Variants in USP37 observed in about 807,000 individuals in gnomAD.
The protein encoded by USP37 is ubiquitin carboxyl-terminal hydrolase 37.
USP37 carries 27 observed loss-of-function variants against 124.0 expected under a neutral mutation model. That is an observed-to-expected ratio of 0.22 (90% confidence interval 0.16 to 0.30). USP37 has a LOEUF of 0.30. Ranked by LOEUF, USP37 falls within the 10% of genes least tolerant of loss-of-function variation. The probability of loss-of-function intolerance (pLI) is 1.00; values close to 1 mark genes in which losing one functional copy is unlikely to be tolerated. For missense variants in USP37, 889 were observed against 1,140.4 expected (o/e 0.78, Z 3.17); for synonymous variants, 365 against 388.0 (o/e 0.94, Z 0.70).
At chr2:218,480,053 T>A (rs1574859482) in intron 17 of USP37, among the ~76,000 whole-genome samples, 1 of 150,374 alleles carries the variant, frequency 6.7e-6, no homozygotes, top group African/African-American at 2.4e-5. Flanking sequence ...GGCTGAGGCA[T>A]GAGAATTGCT....
At chr2:218,554,851 T>C (rs1692875340) in intron 4 of USP37, among the ~76,000 whole-genome samples, 1 of 152,180 alleles carries the variant, frequency 6.6e-6, no homozygotes, top group African/African-American at 2.4e-5. Context: ...AAAGATATTA[T>C]TCCAAGCAAT....
At chr2:218,464,383 G>T (rs1387244968) in intron 21 of USP37, among the ~76,000 whole-genome samples, 3 of 151,988 alleles carry the variant, frequency 2.0e-5, no homozygotes, top group Non-Finnish European at 4.4e-5. Context: ...GAATACAGGC[G>T]CACGCCACCA....
At chr2:218,544,861 A>C (rs1692235518) in intron 8 of USP37, among the ~76,000 whole-genome samples, 1 of 152,214 alleles carries the variant, frequency 6.6e-6, no homozygotes, top group Admixed American at 6.5e-5. Flanking sequence ...AGCAATGTAT[A>C]ATGATGTGTG....
intron 8 of USP37, among the ~76,000 whole-genome samples, chr2:218,543,514 A>C (rs1559219786): frequency 6.7e-6 from 1 of 149,702 alleles, no homozygotes; most frequent in Non-Finnish European, 1.5e-5. Context: ...AAAAAAAAAA[A>C]AAAAAAAAAA....
chr2:218,548,346 C>T (rs1490042241), intron 6 of USP37, among the ~76,000 whole-genome samples: 5 of 151,742 alleles, frequency 3.3e-5, no homozygotes, highest in African/African-American at 1.2e-4. Flanking sequence ...ATATATATTA[C>T]ATATATATAT....
intron 11 of USP37, among the ~76,000 whole-genome samples, chr2:218,503,802 T>C: frequency 6.6e-6 from 1 of 151,804 alleles, no homozygotes; most frequent in East Asian, 1.9e-4. Context: ...GGAGATAAAA[T>C]GAACACAAAG....
chr2:218,528,246 T>C (rs910718683), intron 10 of USP37: 1 of 152,158 alleles, frequency 6.6e-6, no homozygotes, highest in African/African-American at 2.4e-5. Flanking sequence ...TTATATAGCA[T>C]GTATATTATA....
At chr2:218,524,906 G>T (rs765631694) in intron 10 of USP37, among the ~76,000 whole-genome samples, 2 of 152,142 alleles carry the variant, frequency 1.3e-5, no homozygotes, top group Non-Finnish European at 2.9e-5. Flanking sequence ...CACCATGCCC[G>T]GCCAGAAGGA....
chr2:218,561,692 G>C (rs1288512480), intron 2 of USP37, among the ~76,000 whole-genome samples: 1 of 150,974 alleles, frequency 6.6e-6, no homozygotes, highest in African/African-American at 2.4e-5. Flanking sequence ...ACACCTTTCA[G>C]ACAGCCTTAT....
At position 218,482,187 on chromosome 2, in the gene USP37, G is replaced by A. The variant is rs757009905; in HGVS notation, c.1718C>T (p.Ser573Leu). 4 of 1,614,002 alleles carry A rather than the reference G, an allele frequency of 2.5e-6. No individual in the cohort carries two copies. In the South Asian group the frequency reaches 3.3e-5, roughly 13 times the overall value. Reference sequence around the variant, plus strand: ...TTGCTGCCCAATCTTATTGTTAAGCGAGAGAGCCACATTGAAGCTATATCG... The same window carrying A: ...TTGCTGCCCAATCTTATTGTTAAGCAAGAGAGCCACATTGAAGCTATATCG... ...LKRYSFNVAL[S>L]LNNKIGQQVI... The change falls in exon 17 of 26, where the codon TCG (serine) becomes TTG (leucine). Residue 573 changes from serine (S) to leucine (L), a missense_variant. By Grantham distance (145) the Ser-to-Leu change is moderately radical. Transcript: ENST00000258399.
chr2:218,562,650 T>A (rs972660879), intron 2 of USP37, 23 bp downstream of exon 2: 2 of 398,068 alleles, frequency 5.0e-6, no homozygotes, highest in African/African-American at 2.1e-5. Flanking sequence ...GAAACATATA[T>A]CCAAAACAAA....
Position 218,490,127 on chromosome 2 carries a change from G to A in USP37, c.1473-1706C>T, listed in dbSNP as rs568435318. On this transcript the variant is annotated intron_variant, in intron 14 of 25. Transcript: ENST00000258399. Reference sequence around the variant, plus strand: ...AGCACTTTGGGAGGCCGAGGTGGGCGGATCACGAGATCAGGAAATCAAGAC... The same window carrying A: ...AGCACTTTGGGAGGCCGAGGTGGGCAGATCACGAGATCAGGAAATCAAGAC... Among the ~76,000 whole-genome samples, 227 of 152,202 alleles carry A rather than the reference G, an allele frequency of 1.5e-3. 1 individual carries two copies. The highest frequency in any genetic ancestry group is 2.8e-3 in the Non-Finnish European group (190 of 68,008).
Position 218,558,559 on chromosome 2 carries a change from T to C in USP37, c.95A>G (p.Lys32Arg). 1 of 1,613,666 alleles carries C rather than the reference T, an allele frequency of 6.2e-7. No individual in the cohort carries two copies. The highest frequency in any genetic ancestry group is 1.7e-4 in the Middle Eastern group (1 of 6,058). The change falls in exon 4 of 26, where the codon AAA becomes AGA. Residue 32 changes from lysine to arginine, a missense_variant. Lys to Arg is a conservative substitution (Grantham distance 26, BLOSUM62 2). Around this residue, in one of 3 missense-constraint regions of USP37, gnomAD observed 374 missense variants for 386.0 expected, o/e 0.97. Transcript: ENST00000258399. ...WKEGSFEIVE[K>R]ENKVSLVVHY... ...AACTACTAGGCTGACTTTATTCTCT[T>C]TTTCTACAATTTCAAAGGATCCTTC...
At chr2:218,531,396 C>T (rs1691310492) in intron 9 of USP37, among the ~76,000 whole-genome samples, 2 of 152,228 alleles carry the variant, frequency 1.3e-5, no homozygotes, top group African/African-American at 4.8e-5. Flanking sequence ...TTTTAAGCCA[C>T]TACTGATACC....
At chr2:218,555,802 A>T (rs755853764) in intron 4 of USP37, among the ~76,000 whole-genome samples, 2 of 151,696 alleles carry the variant, frequency 1.3e-5, no homozygotes, top group Non-Finnish European at 2.9e-5. Context: ...TAATCCTCAC[A>T]CCCCAATTCT....
chr2:218,553,635 C>T lies in USP37; in HGVS notation c.246G>A (p.Leu82=), dbSNP rs1347191880. 2.5e-6 allele frequency: 4 copies of T among 1,613,902 alleles called. No individual in the cohort carries two copies. The African/African-American group carries it at 4.0e-5, about 16-fold the overall frequency. ...LMLTLQDNSF[L]SIDKVPSKDA... ...CCTTACTTGGTACTTTGTCAATAGA[C>T]AAGAAGCTGTTATCTTGCAGAGTTA... is the stretch of plus-strand genomic sequence containing the variant. The change falls in exon 5 of 26, where the codon TTG becomes TTA. Residue 82 remains leucine (L), a synonymous_variant. Coordinates refer to ENST00000258399, the MANE Select transcript of USP37 (RefSeq NM_020935.3).
At chr2:218,544,186 C>T (rs942461682) in intron 8 of USP37, among the ~76,000 whole-genome samples, 2 of 151,554 alleles carry the variant, frequency 1.3e-5, no homozygotes, top group African/African-American at 4.9e-5. Flanking sequence ...TCCAGACCAG[C>T]CTGGACAACA....
At position 218,553,714 on chromosome 2, in the gene USP37, T is replaced by A. The variant is rs757290944; in HGVS notation, c.167A>T (p.Asn56Ile). 6.2e-7 allele frequency: 1 copy of A among 1,609,020 alleles called. No individual in the cohort carries two copies. The highest frequency in any genetic ancestry group is 8.5e-7 in the Non-Finnish European group (1 of 1,177,454). ...GIPRIFQLSH[N>I]IKNVVLRPSG... ...GGGTCGAAGCACCACATTTTTAATG[T>A]TATGACTTAGCTAATCAAGACAAAA... The change falls in exon 5 of 26, where the codon AAC becomes ATC. Residue 56 changes from asparagine (N) to isoleucine (I), a missense_variant. Coordinates refer to ENST00000258399, the MANE Select transcript of USP37 (RefSeq NM_020935.3).
intron 4 of USP37, among the ~76,000 whole-genome samples, chr2:218,556,959 C>T (rs112221085): frequency 0.016 from 2,472 of 152,220 alleles, 29 homozygotes; most frequent in South Asian, 0.051. Flanking sequence ...TGATCACAGG[C>T]TCAAGCCATC....
Sources: gnomAD v4.1 joint callset for allele counts (sites outside exome capture counted in the v4.1 genomes callset) on GRCh38, gnomAD v4.1.1 for gene constraint, gnomAD v4.1.1 regional missense constraint, MANE v1.5 for transcripts, NCBI Gene and HGNC (gene_info 2026-07-23, HGNC 2026-07-21) for gene names.